The following NF1 variants were observed in gnomAD, a reference collection of about 807,000 sequenced individuals.
NF1 encodes the protein neurofibromin 1.
In NF1, 122 loss-of-function variants were observed where a neutral mutation model predicts 325.7. The observed-to-expected ratio is 0.37, with a 90% CI of 0.32 to 0.44. The LOEUF (loss-of-function observed/expected upper bound fraction) is 0.44. Ranked by LOEUF, NF1 falls within the 20% of genes least tolerant of loss-of-function variation. The pLI, the probability that NF1 is intolerant of heterozygous loss-of-function variation, is 1.00. For missense variants in NF1, 2,140 were observed against 3,415.4 expected (o/e 0.63, Z 9.31); for synonymous variants, 1,091 against 1,186.0 (o/e 0.92, Z 1.65).
intron 36 of NF1, among the ~76,000 whole-genome samples, chr17:31,293,613 A>G (rs80352194): frequency 1.2e-4 from 18 of 152,322 alleles, no homozygotes; most frequent in African/African-American, 4.3e-4. Flanking sequence ...CTCTCTCTCA[A>G]TAGAAATGTT....
At chr17:31,161,625 A>G (rs1048445538) in intron 3 of NF1, among the ~76,000 whole-genome samples, 4 of 152,254 alleles carry the variant, frequency 2.6e-5, no homozygotes, top group African/African-American at 9.6e-5. Context: ...CTTGGTGTCA[A>G]TAACAGGACC....
chr17:31,244,177 G>A (rs9893872), intron 29 of NF1, among the ~76,000 whole-genome samples: 65,623 of 151,970 alleles, frequency 0.43, 16,534 homozygotes, highest in African/African-American at 0.7. Flanking sequence ...CTGTGGCTAA[G>A]CTGGTAGTTA....
At chr17:31,154,052 G>GTTT (rs1491032915) in intron 1 of NF1, among the ~76,000 whole-genome samples, 2 of 79,070 alleles carry the variant, frequency 2.5e-5, no homozygotes, top group African/African-American at 9.8e-5. Context: ...TAGTTTCTTT[G>GTTT]ATTTTTTTTT....
At chr17:31,333,499 C>CCAAGAGTAAACACTATTATGA (rs2069559262) in intron 39 of NF1, among the ~76,000 whole-genome samples, 1 of 152,104 alleles carries the variant, frequency 6.6e-6, no homozygotes, top group Non-Finnish European at 1.5e-5. Flanking sequence ...CCTCCCTTCA[C>CCAAGAGTAAACACTATTATGA]CAAGAGTAAA....
chr17:31,276,534 A>G (rs1029203450), intron 36 of NF1, among the ~76,000 whole-genome samples: 4 of 152,244 alleles, frequency 2.6e-5, no homozygotes, highest in Non-Finnish European at 5.9e-5. Context: ...AAAATAAAAA[A>G]GTTTGACACC....
At chr17:31,135,041 G>A (rs1158777942) in intron 1 of NF1, among the ~76,000 whole-genome samples, 1 of 152,124 alleles carries the variant, frequency 6.6e-6, no homozygotes, top group Non-Finnish European at 1.5e-5. Context: ...TCTTGAAAAT[G>A]ATATGTAGTC....
At position 31,206,250 on chromosome 17, in the gene NF1, A is replaced by G. The variant is rs2143913625; in HGVS notation, c.1271A>G (p.Asp424Gly). The G allele has an allele frequency of 6.2e-7, 1 of 1,613,702 alleles. No individual in the cohort carries two copies. The highest frequency in any genetic ancestry group is 8.5e-7 in the Non-Finnish European group (1 of 1,179,714). Residue 424 changes from aspartate (D) to glycine (G), a missense_variant, in exon 12 of 58, where the codon GAT (aspartate) becomes GGT (glycine). Asp to Gly is a moderately conservative substitution (Grantham distance 94, BLOSUM62 -1). Transcript: ENST00000358273. ...TTTGTTTTTCTCTAGTCCGCATTGG[A>G]TTGGTGGCCTAAGATTGATGCTGTG... ...LHRIITNSAL[D>G]WWPKIDAVYC...
At chr17:31,230,561 T>G (rs1358708497) in intron 23 of NF1, among the ~76,000 whole-genome samples, 179 bp downstream of exon 23, 4 of 152,194 alleles carry the variant, frequency 2.6e-5, no homozygotes, top group Non-Finnish European at 5.9e-5. Context: ...CCTGTGACAA[T>G]GCTCCCTTTT....
chr17:31,235,129 A>G (rs1227574212), intron 27 of NF1, among the ~76,000 whole-genome samples: 1 of 152,074 alleles, frequency 6.6e-6, no homozygotes, highest in South Asian at 2.1e-4. Context: ...CAAAAATCCT[A>G]TAGTCTTTCT....
At chr17:31,196,351 A>T (rs1439602329) in intron 8 of NF1, among the ~76,000 whole-genome samples, 1 of 149,980 alleles carries the variant, frequency 6.7e-6, no homozygotes, top group African/African-American at 2.5e-5. Flanking sequence ...TTCAGTTTTT[A>T]AAAAAACTGT....
At chr17:31,269,234 C>T (rs938791870) in intron 36 of NF1, among the ~76,000 whole-genome samples, 1 of 152,116 alleles carries the variant, frequency 6.6e-6, no homozygotes, top group Non-Finnish European at 1.5e-5. Context: ...CCCATTGACT[C>T]CCTGTATAAA....
At chr17:31,272,952 T>C (rs549126749) in intron 36 of NF1, among the ~76,000 whole-genome samples, 1 of 152,272 alleles carries the variant, frequency 6.6e-6, no homozygotes, top group South Asian at 2.1e-4. Flanking sequence ...CTATTTTCTA[T>C]TGAGGGCTAC....
At chr17:31,298,956 A>G (rs2068520634) in intron 36 of NF1, among the ~76,000 whole-genome samples, 1 of 152,054 alleles carries the variant, frequency 6.6e-6, no homozygotes, top group African/African-American at 2.4e-5. Context: ...TTTTGTTTGA[A>G]AGAAAAGACA....
intron 5 of NF1, among the ~76,000 whole-genome samples, chr17:31,173,796 G>A (rs2065972718): frequency 6.6e-6 from 1 of 152,174 alleles, no homozygotes; most frequent in African/African-American, 2.4e-5. Flanking sequence ...GGTATCAGTA[G>A]GATGTCCAAC....
At chr17:31,356,837 G>A in intron 52 of NF1, 123 bp from the exon 53 acceptor site, 2 of 1,413,824 alleles carry the variant, frequency 1.4e-6, no homozygotes, top group Non-Finnish European at 2.0e-6. Flanking sequence ...TCTCTATGAT[G>A]TTTATGTTAG....
chr17:31,349,486 GACACT>G (rs2151573485), intron 49 of NF1, among the ~76,000 whole-genome samples: 1 of 152,234 alleles, frequency 6.6e-6, no homozygotes, highest in South Asian at 2.1e-4. Flanking sequence ...TTTGGTTCAA[GACACT>G]ACAGTGGCTC....
chr17:31,100,689 C>T (rs972476518), intron 1 of NF1, among the ~76,000 whole-genome samples: 3 of 152,168 alleles, frequency 2.0e-5, no homozygotes, highest in African/African-American at 7.2e-5. Context: ...CCTGCCTCAG[C>T]CTCCCAAGTA....
At chr17:31,158,180 T>C (rs1472316621) in intron 2 of NF1, among the ~76,000 whole-genome samples, 1 of 152,188 alleles carries the variant, frequency 6.6e-6, no homozygotes, top group Admixed American at 6.5e-5. Flanking sequence ...ATGTGGTGTT[T>C]AACTTTTTGT....
At chr17:31,153,199 T>C (rs2905789) in intron 1 of NF1, among the ~76,000 whole-genome samples, 36,697 of 152,172 alleles carry the variant, frequency 0.24, 5,422 homozygotes, top group South Asian at 0.43. Flanking sequence ...TAATTACATG[T>C]GTGGCTACTT....
Sources: gnomAD v4.1 joint callset for allele counts (sites outside exome capture counted in the v4.1 genomes callset) on GRCh38, gnomAD v4.1.1 for gene constraint, MANE v1.5 for transcripts, NCBI Gene and HGNC (gene_info 2026-07-23, HGNC 2026-07-21) for gene names.